MEF2C: variants seen among roughly 807,000 people sequenced by gnomAD.
The protein encoded by MEF2C is myocyte enhancer factor 2C, also known as myocyte-specific enhancer factor 2C.
In MEF2C, 6 loss-of-function variants were observed where a neutral mutation model predicts 50.5. That is an observed-to-expected ratio of 0.12 (90% CI 0.07 to 0.23). MEF2C has a LOEUF of 0.23. Ranked by LOEUF, MEF2C falls within the 10% of genes least tolerant of loss-of-function variation. MEF2C has a pLI of 1.00. For synonymous variants in MEF2C, 183 were observed against 228.0 expected (o/e 0.80, Z 1.78); for missense variants, 276 against 605.0 (o/e 0.46, Z 5.70).
chr5:88,730,254 G>A lies in MEF2C; in HGVS notation c.811-20C>T. 6.4e-7 allele frequency: 1 copy of A among 1,567,170 alleles called. No individual in the cohort carries two copies. Among genetic ancestry groups the A allele is most frequent in the Non-Finnish European group, 8.7e-7 (1 of 1,154,946 alleles). On this transcript the variant is annotated intron_variant, in intron 7 of 10. Transcript: ENST00000504921. Reference sequence around the variant, plus strand: ...CTCAGACTGAGAGCATGCGGAAGGAGTTTTATTAATTAGTGTCCGTAAATA... The same window carrying A: ...CTCAGACTGAGAGCATGCGGAAGGAATTTTATTAATTAGTGTCCGTAAATA...
intron 3 of MEF2C, among the ~76,000 whole-genome samples, chr5:88,794,599 C>G (rs1157873060): frequency 6.6e-6 from 1 of 152,134 alleles, no homozygotes; most frequent in Non-Finnish European, 1.5e-5. Context: ...GTTGCCTGTT[C>G]ACTCTGATGA....
intron 2 of MEF2C, among the ~76,000 whole-genome samples, chr5:88,822,996 TAG>T (rs1279527739): frequency 2.0e-5 from 3 of 151,858 alleles, no homozygotes; most frequent in Non-Finnish European, 4.4e-5. Context: ...TGAAGAAAAA[TAG>T]AGTCAAATTG....
At chr5:88,780,462 A>T (rs1787383596) in intron 3 of MEF2C, among the ~76,000 whole-genome samples, 1 of 152,210 alleles carries the variant, frequency 6.6e-6, no homozygotes, top group Admixed American at 6.5e-5. Flanking sequence ...GTGGTTAAAA[A>T]TGATATCCTT....
intron 1 of MEF2C, among the ~76,000 whole-genome samples, chr5:88,827,874 A>C (rs1811534803): frequency 6.6e-6 from 1 of 151,458 alleles, no homozygotes; most frequent in Non-Finnish European, 1.5e-5. Flanking sequence ...AAATCAATGC[A>C]TGCTGGTAAA....
intron 2 of MEF2C, chr5:88,819,475 A>G: frequency 1.4e-6 from 1 of 697,592 alleles, no homozygotes; most frequent in Non-Finnish European, 1.8e-6. Context: ...AGTCCCACTG[A>G]TCTTCCTTCA....
chr5:88,751,344 T>G, intron 5 of MEF2C: 6 of 985,462 alleles, frequency 6.1e-6, no homozygotes, highest in Non-Finnish European at 7.2e-6. Context: ...ATTTCACATG[T>G]CTTACAAATG....
chr5:88,783,067 T>C (rs149121678), intron 3 of MEF2C, among the ~76,000 whole-genome samples: 2,818 of 152,312 alleles, frequency 0.019, 31 homozygotes, highest in Non-Finnish European at 0.027. Context: ...GATATCCATC[T>C]TTCTGAATTT....
chr5:88,830,403 C>A (rs1206862397), intron 1 of MEF2C, among the ~76,000 whole-genome samples: 1 of 152,028 alleles, frequency 6.6e-6, no homozygotes, highest in Non-Finnish European at 1.5e-5. Context: ...CTGCCATTAT[C>A]CCTGACATAC....
chr5:88,760,183 T>C (rs1188634937), intron 4 of MEF2C, among the ~76,000 whole-genome samples: 2 of 152,266 alleles, frequency 1.3e-5, no homozygotes, highest in African/African-American at 4.8e-5. Context: ...CATTATTTGA[T>C]TGATGACAGA....
intron 1 of MEF2C, among the ~76,000 whole-genome samples, chr5:88,842,187 G>A (rs1008774392): frequency 6.6e-6 from 1 of 151,988 alleles, no homozygotes; most frequent in Non-Finnish European, 1.5e-5. Context: ...CAAGTTCTTT[G>A]AAATCTGATC....
chr5:88,750,124 A>G (rs948416551), intron 5 of MEF2C: 23 of 857,066 alleles, frequency 2.7e-5, no homozygotes, highest in Admixed American at 1.2e-4. Flanking sequence ...ATTGCCTCTA[A>G]GTGATACTCT....
chr5:88,891,850 T>C lies in MEF2C; in HGVS notation c.-239-4252A>G, dbSNP rs866075887. Among the ~76,000 whole-genome samples, 114 of 152,338 alleles carry C rather than the reference T, an allele frequency of 7.5e-4. 2 individuals carry two copies. The highest frequency in any genetic ancestry group is 2.5e-3 in the African/African-American group (102 of 41,574). ...CTGTCTTTTGGGTTTGTTTTGTTTT[T>C]AATGCCATGTTTGTATTCTATATAT... is the stretch of plus-strand genomic sequence containing the variant. On this transcript the variant is annotated intron_variant, in intron 1 of 11. Transcript: ENST00000340208.
intron 2 of MEF2C, among the ~76,000 whole-genome samples, chr5:88,807,859 G>A (rs1462702086): frequency 2.6e-5 from 4 of 152,062 alleles, no homozygotes; most frequent in African/African-American, 9.7e-5. Context: ...ATATTTACTA[G>A]CCCATATCAA....
intron 3 of MEF2C, among the ~76,000 whole-genome samples, chr5:88,783,494 G>A (rs367982559): frequency 9.2e-5 from 14 of 152,152 alleles, no homozygotes; most frequent in Admixed American, 2.6e-4. Context: ...TTAGCTGGGC[G>A]TGGTGGCACA....
At position 88,852,297 on chromosome 5, in the gene MEF2C, C is replaced by A. The variant is rs1003683053; in HGVS notation, c.-142-28367G>T. Among the ~76,000 whole-genome samples the A allele has an allele frequency of 1.1e-4, 16 of 152,170 alleles. 1 individual carries two copies. The highest frequency in any genetic ancestry group is 1.0e-3 in the Admixed American group (16 of 15,296). On this transcript the variant is annotated intron_variant, in intron 1 of 10. Coordinates refer to ENST00000504921, the MANE Select transcript of MEF2C (RefSeq NM_002397.5). ...TTCTAAAAAATGTTAGAAAAGCACA[C>A]ACCTAAAAGTACCAGTGGTGGGGTA...
intron 3 of MEF2C, among the ~76,000 whole-genome samples, chr5:88,795,292 CGTTT>C (rs1688382472): frequency 6.6e-6 from 1 of 152,066 alleles, no homozygotes; most frequent in Non-Finnish European, 1.5e-5. Flanking sequence ...AGTGTTTTTC[CGTTT>C]GTTTGTGTCC....
chr5:88,756,133 G>A (rs998241145), intron 4 of MEF2C, among the ~76,000 whole-genome samples: 6 of 152,050 alleles, frequency 3.9e-5, no homozygotes, highest in Non-Finnish European at 5.9e-5. Flanking sequence ...TGCTTTACCT[G>A]TATCAAGAAC....
chr5:88,783,849 C>T (rs1189390056), intron 3 of MEF2C, among the ~76,000 whole-genome samples: 1 of 152,140 alleles, frequency 6.6e-6, no homozygotes. Context: ...TGTGAGGTCA[C>T]AGACAATGTC....
intron 1 of MEF2C, among the ~76,000 whole-genome samples, chr5:88,862,883 T>C (rs1825962634): frequency 6.6e-6 from 1 of 152,244 alleles, no homozygotes; most frequent in Non-Finnish European, 1.5e-5. Flanking sequence ...TTCCTACTTC[T>C]GATACCATCT....
Sources: allele counts gnomAD v4.1 joint callset (sites outside exome capture counted in the v4.1 genomes callset), GRCh38; gene constraint gnomAD v4.1.1; transcripts MANE v1.5; gene names NCBI Gene and HGNC (gene_info 2026-07-23, HGNC 2026-07-21).